The following DYM variants were observed in gnomAD, a reference collection of about 807,000 sequenced individuals.
The protein encoded by DYM is dymeclin, also known as dyggve-Melchior-Clausen syndrome protein.
Under a neutral mutation model 93.1 loss-of-function variants are expected in DYM, and 78 were observed. The observed-to-expected ratio is 0.84, with a 90% CI of 0.70 to 1.01. DYM has a LOEUF of 1.01. Ranked by LOEUF, DYM falls within the 50% of genes least tolerant of loss-of-function variation. DYM has a pLI of 0.00. For synonymous variants in DYM, 321 were observed against 319.7 expected, an observed-to-expected ratio of 1.00 and a Z score of -0.04; for missense variants, 789 against 845.0, an observed-to-expected ratio of 0.93 and a Z score of 0.82.
At chr18:49,352,489 G>A (rs1387600190) in intron 6 of DYM, among the ~76,000 whole-genome samples, 2 of 152,254 alleles carry the variant, frequency 1.3e-5, no homozygotes, top group Admixed American at 6.5e-5. Context: ...AGTAGATCAC[G>A]CTGTACTTCT....
intron 10 of DYM, among the ~76,000 whole-genome samples, chr18:49,281,352 G>C (rs1401782928): frequency 1.3e-5 from 2 of 152,142 alleles, no homozygotes; most frequent in Non-Finnish European, 2.9e-5. Flanking sequence ...TACACTGTTG[G>C]TGGGACTGTA....
chr18:49,250,574 G>A (rs536234670), intron 13 of DYM, among the ~76,000 whole-genome samples: 2 of 152,336 alleles, frequency 1.3e-5, no homozygotes, highest in South Asian at 4.1e-4. Flanking sequence ...CTGAAGAATG[G>A]GGAATATGAA....
intron 13 of DYM, among the ~76,000 whole-genome samples, chr18:49,234,631 A>C (rs2093807272): frequency 6.6e-6 from 1 of 152,194 alleles, no homozygotes; most frequent in African/African-American, 2.4e-5. Flanking sequence ...TGTGATAGGC[A>C]GAATTTCCCC....
chr18:49,149,259 G>A (rs980078592), intron 15 of DYM, among the ~76,000 whole-genome samples: 8 of 152,018 alleles, frequency 5.3e-5, no homozygotes, highest in South Asian at 2.1e-4. Flanking sequence ...TCACTTGCCC[G>A]CCGCTCACCT....
At chr18:49,272,131 T>C (rs370432666) in intron 11 of DYM, 47 bp downstream of exon 11, 63 of 1,572,182 alleles carry the variant, frequency 4.0e-5, no homozygotes, top group Non-Finnish European at 4.9e-5. Flanking sequence ...CGTAGGGACA[T>C]GTCTGTTCTG....
intron 13 of DYM, among the ~76,000 whole-genome samples, chr18:49,255,550 G>A (rs2094375483): frequency 6.6e-6 from 1 of 151,392 alleles, no homozygotes; most frequent in Non-Finnish European, 1.5e-5. Flanking sequence ...GCGTGTGCCT[G>A]TAATTCCAGT....
At chr18:49,369,866 T>C (rs536488433) in intron 5 of DYM, among the ~76,000 whole-genome samples, 2 of 152,340 alleles carry the variant, frequency 1.3e-5, no homozygotes, top group African/African-American at 2.4e-5. Flanking sequence ...TCACAGGTCA[T>C]ACAGTGTCTT....
intron 2 of DYM, chr18:49,393,534 G>A (rs866229014): frequency 6.6e-6 from 1 of 152,288 alleles, no homozygotes; most frequent in Non-Finnish European, 1.5e-5. Flanking sequence ...ACTTTGGGAG[G>A]CCAAGGCGGG....
chr18:49,254,394 T>C (rs2094351486), intron 13 of DYM, among the ~76,000 whole-genome samples: 1 of 151,300 alleles, frequency 6.6e-6, no homozygotes, highest in Non-Finnish European at 1.5e-5. Context: ...CAGGAAACTT[T>C]ATTATTTATT....
At chr18:49,136,413 G>T (rs929165183) in intron 15 of DYM, among the ~76,000 whole-genome samples, 7 of 151,986 alleles carry the variant, frequency 4.6e-5, no homozygotes, top group African/African-American at 1.7e-4. Flanking sequence ...TTCATTTGTT[G>T]TAACCTATTT....
chr18:49,456,086 A>G (rs72927308), intron 1 of DYM, among the ~76,000 whole-genome samples: 5,445 of 152,268 alleles, frequency 0.036, 138 homozygotes, highest in Middle Eastern at 0.1. Context: ...GTGGACAGTC[A>G]CTTCTTTATC....
At chr18:49,159,459 GCC>G (rs2086834499) in intron 15 of DYM, among the ~76,000 whole-genome samples, 1 of 152,212 alleles carries the variant, frequency 6.6e-6, no homozygotes, top group Non-Finnish European at 1.5e-5. Context: ...CAAAAGGTCA[GCC>G]AGTGATATAG....
At chr18:49,339,374 C>A (rs565119709) in intron 6 of DYM, among the ~76,000 whole-genome samples, 91 of 152,228 alleles carry the variant, frequency 6.0e-4, no homozygotes, top group Non-Finnish European at 1.9e-4. Flanking sequence ...CCTCCCCTCA[C>A]AGAATACAAC....
chr18:49,114,439 G>T (rs574627430), intron 16 of DYM: 2 of 537,956 alleles, frequency 3.7e-6, no homozygotes, highest in African/African-American at 4.2e-5. Context: ...ACAGAAAAGT[G>T]AGCACTGGGT....
intron 15 of DYM, among the ~76,000 whole-genome samples, chr18:49,152,238 T>C (rs972564373): frequency 6.6e-6 from 1 of 152,174 alleles, no homozygotes; most frequent in African/African-American, 2.4e-5. Flanking sequence ...CAGAACGATC[T>C]TCCTCTTCAG....
chr18:49,043,935 G>A lies in DYM; in HGVS notation c.*120C>T. On this transcript the variant is annotated 3_prime_UTR_variant, in exon 18 of 18. Coordinates refer to ENST00000675505, the MANE Select transcript of DYM (RefSeq NM_001353214.3). ...AAGTGTGTGAGGAAAACACACTCGT[G>A]CAATCCTCTTTAACAGAAGATACAC... is the stretch of plus-strand genomic sequence containing the variant. The A allele has an allele frequency of 1.6e-6, 2 of 1,215,324 alleles. No homozygotes were observed. The highest frequency in any genetic ancestry group is 1.4e-5 in the South Asian group (1 of 71,848). 75.3% of individuals were successfully genotyped at this position (1,215,324 alleles called of 1,614,324 possible).
At chr18:49,410,543 A>G (rs970128798) in intron 2 of DYM, among the ~76,000 whole-genome samples, 1 of 151,990 alleles carries the variant, frequency 6.6e-6, no homozygotes, top group East Asian at 1.9e-4. Flanking sequence ...TATTATATAC[A>G]TTTAGCAGAC....
chr18:49,083,631 G>C (rs1216477720), intron 17 of DYM, among the ~76,000 whole-genome samples: 1 of 152,138 alleles, frequency 6.6e-6, no homozygotes, highest in Non-Finnish European at 1.5e-5. Flanking sequence ...ATGAGCCTGT[G>C]TTCTTCTTTA....
intron 13 of DYM, among the ~76,000 whole-genome samples, chr18:49,232,024 C>A (rs1205555404): frequency 2.6e-5 from 4 of 152,092 alleles, no homozygotes; most frequent in Non-Finnish European, 5.9e-5. Context: ...GTTATATATA[C>A]CTTCCAAAAT....
Sources: allele counts gnomAD v4.1 joint callset (sites outside exome capture counted in the v4.1 genomes callset), GRCh38; gene constraint gnomAD v4.1.1; transcripts MANE v1.5; gene names NCBI Gene and HGNC (gene_info 2026-07-23, HGNC 2026-07-21).